Variants in LRRC37A3 observed in about 807,000 individuals in gnomAD.
LRRC37A3 encodes leucine rich repeat containing 37 member A3.
A neutral mutation model predicts 106.2 loss-of-function variants in LRRC37A3; 25 were observed. The observed-to-expected ratio is 0.24, with a 90% CI of 0.17 to 0.33. The LOEUF (loss-of-function observed/expected upper bound fraction) is 0.33. Among genes scored for constraint, LRRC37A3 ranks in the 10% least tolerant of loss-of-function variants. The pLI is 1.00. For missense variants in LRRC37A3, 712 were observed against 1,644.9 expected, an observed-to-expected ratio of 0.43 and a Z score of 9.81; for synonymous variants, 305 against 635.8, an observed-to-expected ratio of 0.48 and a Z score of 7.83.
chr17:64,872,180 C>A (rs1274575569), intron 8 of LRRC37A3, among the ~76,000 whole-genome samples: 3 of 84,124 alleles, frequency 3.6e-5, no homozygotes, highest in Admixed American at 2.5e-4. Flanking sequence ...TTCATCCCTT[C>A]ATAAAAGCAA....
intron 2 of LRRC37A3, among the ~76,000 whole-genome samples, chr17:64,904,065 G>T (rs1974390558): frequency 1.3e-5 from 2 of 151,112 alleles, no homozygotes; most frequent in African/African-American, 4.9e-5. Flanking sequence ...CTTGAACCTG[G>T]GAGGTGGAGG....
intron 2 of LRRC37A3, chr17:64,901,289 T>G (rs1279616632): frequency 6.6e-6 from 1 of 151,418 alleles, no homozygotes; most frequent in Non-Finnish European, 1.5e-5. Context: ...AAACGTTCAA[T>G]CATAATATGA....
At position 64,859,794 on chromosome 17, in the gene LRRC37A3, C is replaced by T. The variant is rs372804281; in HGVS notation, c.4352G>A (p.Gly1451Asp). 3.8e-5 allele frequency: 61 copies of T among 1,612,212 alleles called. No homozygotes were observed. The highest frequency in any genetic ancestry group is 5.1e-5 in the Non-Finnish European group (60 of 1,179,936). Reference protein sequence around the residue: ...TETKWEYNNVGTDLSPEPKSF... With the variant: ...TETKWEYNNVDTDLSPEPKSF... ...TTTGGGCTCGGGGGACAGGTCAGTG[C>T]CCACGTTGTTGTATTCCCATTTTGT... is the stretch of plus-strand genomic sequence containing the variant. The change falls in exon 12 of 15, where the codon GGC becomes GAC. Residue 1451 changes from glycine (G) to aspartate (D), a missense_variant. Transcript: ENST00000584306.
At chr17:64,877,900 G>A (rs1168832489) in intron 8 of LRRC37A3, among the ~76,000 whole-genome samples, 1 of 151,908 alleles carries the variant, frequency 6.6e-6, no homozygotes, top group African/African-American at 2.4e-5. Context: ...ACAATTCTAC[G>A]TGGAAATAAT....
intron 14 of LRRC37A3, 34 bp downstream of exon 14, chr17:64,855,806 G>T (rs1258470859): frequency 2.5e-6 from 4 of 1,609,952 alleles, no homozygotes; most frequent in South Asian, 1.1e-5. Flanking sequence ...CGTCTCAAAA[G>T]AAAAGAAAAA....
chr17:64,872,208 GC>G (rs1479628547), intron 8 of LRRC37A3, among the ~76,000 whole-genome samples: 3 of 55,708 alleles, frequency 5.4e-5, no homozygotes, highest in African/African-American at 7.6e-5. Flanking sequence ...CAAAAAAATA[GC>G]CAAAAAAAAA....
chr17:64,860,516 G>C lies in LRRC37A3; in HGVS notation c.3630C>G (p.Ala1210=). 1.9e-6 allele frequency: 3 copies of C among 1,612,868 alleles called. No homozygotes were observed. The highest frequency in any genetic ancestry group is 2.5e-6 in the Non-Finnish European group (3 of 1,179,866). ...TGTGAGGCTGTTTCAGCTCCCTTGG[G>C]GCTGGACTTCCGAGCCTTTTTTCTT... ...TAEEKRLGSP[A]PRELKQPHTQ... The change falls in exon 12 of 15, where the codon GCC becomes GCG. Residue 1210 remains alanine, a synonymous_variant. Transcript: ENST00000584306.
At chr17:64,863,142 T>C in intron 10 of LRRC37A3, 124 bp from the exon 11 acceptor site, 1 of 1,361,866 alleles carries the variant, frequency 7.3e-7, no homozygotes, top group Non-Finnish European at 1.0e-6. Flanking sequence ...GACTGGACAG[T>C]TGGGTAGGAA....
chr17:64,910,872 C>T (rs1974575510), intron 2 of LRRC37A3, among the ~76,000 whole-genome samples: 1 of 150,262 alleles, frequency 6.7e-6, no homozygotes, highest in African/African-American at 2.5e-5. Flanking sequence ...AAATACCTGA[C>T]CTCAAGTGAT....
In LRRC37A3 at chr17:64,860,102, C is replaced by G. The variant is rs537890026; in HGVS notation, c.4044G>C (p.Lys1348Asn). The G allele has an allele frequency of 6.2e-7, 1 of 1,613,976 alleles. No homozygotes were observed. The highest frequency in any genetic ancestry group is 1.1e-5 in the South Asian group (1 of 91,064). ...LSNRLPFSAAKSLINSPSQGA... is the reference protein window; with the variant it reads ...LSNRLPFSAANSLINSPSQGA... ...CTTGTGAAGGGGAATTTATGAGGCT[C>G]TTCGCTGCAGAGAACGGAAGCCTGT... The change falls in exon 12 of 15, where the codon AAG (lysine) becomes AAC (asparagine). Residue 1348 changes from lysine (K) to asparagine (N), a missense_variant. By Grantham distance (94) the Lys-to-Asn change is moderately conservative (BLOSUM62 0). Coordinates refer to ENST00000584306, the MANE Select transcript of LRRC37A3 (RefSeq NM_199340.5).
intron 2 of LRRC37A3, among the ~76,000 whole-genome samples, chr17:64,916,533 T>C (rs1246104153): frequency 6.0e-5 from 9 of 150,100 alleles, no homozygotes; most frequent in Non-Finnish European, 1.2e-4. Context: ...TCTCAGCACT[T>C]TGGGAGGCCG....
Position 64,862,960 on chromosome 17 carries a change from C to T in LRRC37A3, c.3112G>A (p.Val1038Ile), listed in dbSNP as rs564055087. 1.3e-6 allele frequency: 2 copies of T among 1,598,768 alleles called. No individual in the cohort carries two copies. The highest frequency in any genetic ancestry group is 1.1e-5 in the South Asian group (1 of 91,036). ...CAATGCAGCTTGACTGTCTTGCAGA[C>T]AGCCTCAATGCTGTTTTTAAATTGG... ...LCQFKNSIEA[V>I]CKTVKLHCNS... The change falls in exon 11 of 15, where the codon GTC (valine) becomes ATC (isoleucine). Residue 1038 changes from valine to isoleucine, a missense_variant. Coordinates refer to ENST00000584306, the MANE Select transcript of LRRC37A3 (RefSeq NM_199340.5).
chr17:64,875,526 G>A lies in LRRC37A3; in HGVS notation c.2907-6360C>T, dbSNP rs574071661. Among the ~76,000 whole-genome samples, 37 of 152,238 alleles carry A rather than the reference G, an allele frequency of 2.4e-4. No individual in the cohort carries two copies. The East Asian group carries it at 6.6e-3, about 27-fold the overall frequency. ...AACACTGGCTGGGCGCAGTGGCTCA[G>A]GCCTGTAATCCCAGCACTTTGGGAG... On this transcript the variant is annotated intron_variant, in intron 8 of 14. Transcript: ENST00000584306.
chr17:64,857,426 C>G (rs1972714043), intron 13 of LRRC37A3, among the ~76,000 whole-genome samples: 1 of 152,210 alleles, frequency 6.6e-6, no homozygotes, highest in Non-Finnish European at 1.5e-5. Flanking sequence ...GAATGTTGTA[C>G]AGATGTAAAT....
At position 64,868,908 on chromosome 17, in the gene LRRC37A3, C is replaced by A. The variant is rs552642230; in HGVS notation, c.2978+187G>T. On this transcript the variant is annotated intron_variant, in intron 9 of 14. Transcript: ENST00000584306. ...ATGGGTTCTTCAATGCTGTTCTCTT[C>A]CCCTGCTGGCTGTCTTGACCATTAT... Among the ~76,000 whole-genome samples, 3 of 152,284 alleles carry A rather than the reference C, an allele frequency of 2.0e-5. No individual in the cohort carries two copies. The East Asian group carries it at 5.8e-4, about 29-fold the overall frequency.
At chr17:64,867,828 C>A (rs1311801926) in intron 10 of LRRC37A3, among the ~76,000 whole-genome samples, 3 of 151,962 alleles carry the variant, frequency 2.0e-5, no homozygotes, top group African/African-American at 7.3e-5. Flanking sequence ...AATCCTAGCA[C>A]TTTGGGAGGC....
intron 8 of LRRC37A3, among the ~76,000 whole-genome samples, chr17:64,879,546 C>T (rs1366304552): frequency 1.3e-5 from 2 of 152,150 alleles, no homozygotes; most frequent in African/African-American, 4.8e-5. Context: ...TTTTCAGTGC[C>T]ATTAACTTGT....
At chr17:64,863,849 G>A (rs1245496332) in intron 10 of LRRC37A3, among the ~76,000 whole-genome samples, 1 of 152,020 alleles carries the variant, frequency 6.6e-6, no homozygotes, top group East Asian at 1.9e-4. Flanking sequence ...TGTCACCCAG[G>A]CTGAAATACA....
intron 2 of LRRC37A3, among the ~76,000 whole-genome samples, chr17:64,904,394 G>A (rs1974401692): frequency 6.6e-6 from 1 of 152,172 alleles, no homozygotes; most frequent in Non-Finnish European, 1.5e-5. Context: ...AGGATCCCTT[G>A]AGCCCAGCAG....
Sources: gnomAD v4.1 joint callset for allele counts (sites outside exome capture counted in the v4.1 genomes callset) on GRCh38, gnomAD v4.1.1 for gene constraint, MANE v1.5 for transcripts, NCBI Gene and HGNC (gene_info 2026-07-23, HGNC 2026-07-21) for gene names.